MAPKAPK3: variants seen among roughly 807,000 people sequenced by gnomAD.
MAPKAPK3 encodes MAPK activated protein kinase 3.
In MAPKAPK3, 35 loss-of-function variants were observed where a neutral mutation model predicts 49.2. The ratio of observed to expected loss-of-function variants is 0.71; its 90% CI spans 0.54 to 0.94. The LOEUF is 0.94. Among genes scored for constraint, MAPKAPK3 ranks in the 40% least tolerant of loss-of-function variants. MAPKAPK3 has a pLI of 0.00. For synonymous variants in MAPKAPK3, 178 were observed against 188.7 expected, an observed-to-expected ratio of 0.94 and a Z score of 0.46; for missense variants, 398 against 493.1, an observed-to-expected ratio of 0.81 and a Z score of 1.83.
chr3:50,638,878 G>A (rs1004606781), intron 2 of MAPKAPK3, among the ~76,000 whole-genome samples: 37 of 152,218 alleles, frequency 2.4e-4, no homozygotes, highest in Non-Finnish European at 4.6e-4. Flanking sequence ...GTGCTGATCC[G>A]AGCCCCGGTC....
At chr3:50,644,333 T>C in intron 5 of MAPKAPK3, 76 bp from the exon 6 acceptor site, 1 of 1,563,252 alleles carries the variant, frequency 6.4e-7, no homozygotes, top group Non-Finnish European at 8.8e-7. Flanking sequence ...TCGGGGAGTC[T>C]GGCTGAAGAT....
chr3:50,637,715 GAGAGAGAGAT>G (rs1418227035), intron 2 of MAPKAPK3, among the ~76,000 whole-genome samples: 13 of 98,904 alleles, frequency 1.3e-4, no homozygotes, highest in East Asian at 2.7e-4. Flanking sequence ...GAGAGAGAGA[GAGAGAGAGAT>G]GGAGACAGAG....
At chr3:50,629,656 C>T (rs2032853598) in intron 2 of MAPKAPK3, among the ~76,000 whole-genome samples, 1 of 152,198 alleles carries the variant, frequency 6.6e-6, no homozygotes, top group African/African-American at 2.4e-5. Context: ...TGCATGGTCC[C>T]TGGTCTGGGG....
At chr3:50,632,598 C>T (rs1317258646) in intron 2 of MAPKAPK3, among the ~76,000 whole-genome samples, 1 of 152,244 alleles carries the variant, frequency 6.6e-6, no homozygotes, top group Non-Finnish European at 1.5e-5. Flanking sequence ...GTCTCTCATA[C>T]TGTGAGTTGT....
At chr3:50,616,055 C>T (rs1040020486), upstream of MAPKAPK3, among the ~76,000 whole-genome samples, 3 of 152,166 alleles carry the variant, frequency 2.0e-5, no homozygotes, top group African/African-American at 7.2e-5. Context: ...GGCTGGAAGA[C>T]GCCTCTGAGT....
At chr3:50,646,497 A>AT (rs1273886538) in intron 8 of MAPKAPK3, among the ~76,000 whole-genome samples, 6 of 152,010 alleles carry the variant, frequency 3.9e-5, no homozygotes, top group Non-Finnish European at 5.9e-5. Context: ...CCTCATTCAT[A>AT]TTTTCCCCTT....
intron 2 of MAPKAPK3, among the ~76,000 whole-genome samples, chr3:50,631,713 A>G (rs1196374479): frequency 2.6e-5 from 4 of 152,206 alleles, no homozygotes. Context: ...GGCTGAGTCG[A>G]AGACTTGTCA....
chr3:50,636,784 C>T (rs187662877), intron 2 of MAPKAPK3, among the ~76,000 whole-genome samples: 101 of 152,144 alleles, frequency 6.6e-4, no homozygotes, highest in African/African-American at 2.3e-3. Context: ...AACTGAGGCT[C>T]TAGGAGGTTT....
chr3:50,647,382 C>T lies in MAPKAPK3; in HGVS notation c.996+179C>T, dbSNP rs750305575. Among the ~76,000 whole-genome samples the T allele has an allele frequency of 2.0e-3, 306 of 152,208 alleles. 3 individuals carry two copies. The highest frequency in any genetic ancestry group is 3.5e-3 in the Non-Finnish European group (235 of 68,036). On this transcript the variant is annotated intron_variant, in intron 10 of 10. Transcript: ENST00000621469. ...CTCCAAGGATTGGGCCTCACTACGC[C>T]ATTCAGTGTGGTGCTCCTGGCTCAC... is the stretch of plus-strand genomic sequence containing the variant.
intron 2 of MAPKAPK3, among the ~76,000 whole-genome samples, chr3:50,620,618 G>A (rs2032586556): frequency 1.3e-5 from 2 of 152,190 alleles, no homozygotes; most frequent in South Asian, 4.1e-4. Flanking sequence ...TAGAGGAGCA[G>A]GTCCCTCCCT....
intron 2 of MAPKAPK3, among the ~76,000 whole-genome samples, chr3:50,635,501 T>G (rs1377322302): frequency 3.3e-5 from 4 of 121,006 alleles, no homozygotes; most frequent in African/African-American, 9.5e-5. Context: ...CACTGCAACC[T>G]CCGCCTCCTG....
intron 2 of MAPKAPK3, among the ~76,000 whole-genome samples, chr3:50,619,956 G>C (rs1007525263): frequency 6.6e-6 from 1 of 152,106 alleles, no homozygotes; most frequent in Non-Finnish European, 1.5e-5. Context: ...CTACTAGCTT[G>C]GGACCTTCAG....
chr3:50,617,290 G>A (rs1420761922), intron 1 of MAPKAPK3, 49 bp downstream of exon 1: 4 of 349,714 alleles, frequency 1.1e-5, no homozygotes, highest in Non-Finnish European at 2.1e-5. Flanking sequence ...GGACCTCGCG[G>A]CCATTAGGCG....
chr3:50,645,584 C>T (rs535832759), intron 6 of MAPKAPK3, 126 bp from the exon 7 acceptor site: 14 of 672,706 alleles, frequency 2.1e-5, no homozygotes, highest in African/African-American at 3.6e-5. Flanking sequence ...AGGTGCCAGA[C>T]GCCAGTCTGC....
intron 3 of MAPKAPK3, 30 bp from the exon 4 acceptor site, chr3:50,641,677 C>T: frequency 1.3e-6 from 2 of 1,594,548 alleles, no homozygotes; most frequent in Non-Finnish European, 1.7e-6. Context: ...GCAGTTTCCC[C>T]CTCTCTGCTT....
intron 2 of MAPKAPK3, among the ~76,000 whole-genome samples, chr3:50,631,353 G>A (rs534695374): frequency 1.3e-5 from 2 of 152,320 alleles, no homozygotes; most frequent in South Asian, 4.1e-4. Flanking sequence ...GCAGGAGCGG[G>A]GTTCTGGCAT....
chr3:50,644,319 G>A, intron 5 of MAPKAPK3, 90 bp from the exon 6 acceptor site: 3 of 1,482,132 alleles, frequency 2.0e-6, no homozygotes, highest in Admixed American at 1.8e-5. Flanking sequence ...GCACTGGGAT[G>A]GAGTCGGGGA....
chr3:50,640,288 A>C, intron 2 of MAPKAPK3, 78 bp from the exon 3 acceptor site: 3 of 1,464,246 alleles, frequency 2.0e-6, no homozygotes, highest in Non-Finnish European at 2.8e-6. Flanking sequence ...CACAGGCCTC[A>C]GAGCTTATAT....
At chr3:50,641,457 C>T (rs1435372401) in intron 3 of MAPKAPK3, among the ~76,000 whole-genome samples, 1 of 152,190 alleles carries the variant, frequency 6.6e-6, no homozygotes, top group Non-Finnish European at 1.5e-5. Flanking sequence ...CCACTGGGAA[C>T]ACACAGGCTT....
Sources: gnomAD v4.1 joint callset for allele counts (sites outside exome capture counted in the v4.1 genomes callset) on GRCh38, gnomAD v4.1.1 for gene constraint, MANE v1.5 for transcripts, NCBI Gene and HGNC (gene_info 2026-07-23, HGNC 2026-07-21) for gene names.